The following VPS13D variants were observed in gnomAD, a reference collection of about 807,000 sequenced individuals.
VPS13D encodes vacuolar protein sorting 13 homolog D.
Under a neutral mutation model 461.9 loss-of-function variants are expected in VPS13D, and 187 were observed. That is an observed-to-expected ratio of 0.40 (90% CI 0.36 to 0.46). The LOEUF (loss-of-function observed/expected upper bound fraction) is 0.46. Ranked by LOEUF, VPS13D falls within the 20% of genes least tolerant of loss-of-function variation. The probability of loss-of-function intolerance (pLI) is 0.60; values close to 1 mark genes in which losing one functional copy is unlikely to be tolerated. For missense variants in VPS13D, 4,711 were observed against 5,364.9 expected, an observed-to-expected ratio of 0.88 and a Z score of 3.81; for synonymous variants, 1,951 against 1,986.3, an observed-to-expected ratio of 0.98 and a Z score of 0.47.
chr1:12,444,642 G>T (rs1645171135), intron 65 of VPS13D, among the ~76,000 whole-genome samples: 1 of 151,896 alleles, frequency 6.6e-6, no homozygotes. Context: ...TAATTCTGTC[G>T]ACTCTGCTGT....
intron 16 of VPS13D, among the ~76,000 whole-genome samples, chr1:12,270,262 G>A (rs1641398601): frequency 6.6e-6 from 1 of 151,956 alleles, no homozygotes; most frequent in African/African-American, 2.4e-5. Flanking sequence ...TTCAAGACCA[G>A]CCTAGCCAAC....
intron 57 of VPS13D, among the ~76,000 whole-genome samples, chr1:12,381,727 C>T (rs902305974): frequency 1.3e-5 from 2 of 152,156 alleles, no homozygotes; most frequent in Non-Finnish European, 2.9e-5. Context: ...TGTTTACTTC[C>T]AACTTCTGTA....
chr1:12,474,714 A>G lies in VPS13D; in HGVS notation c.12662+14318A>G, dbSNP rs141636137. On this transcript the variant is annotated intron_variant, in intron 67 of 69. Coordinates refer to ENST00000620676, the MANE Select transcript of VPS13D (RefSeq NM_015378.4). ...ATTATAAATGTTCCCTTTGTAATTC[A>G]TTTCAAACTTCATCCTCCCATTTGT... Among the ~76,000 whole-genome samples the G allele has an allele frequency of 1.9e-3, 291 of 152,290 alleles. 2 individuals carry two copies. The highest frequency in any genetic ancestry group is 5.4e-3 in the Admixed American group (83 of 15,306).
In VPS13D at chr1:12,473,952, G is replaced by A. The variant is rs919407050; in HGVS notation, c.12662+13556G>A. Among the ~76,000 whole-genome samples, 3 of 152,130 alleles carry A rather than the reference G, an allele frequency of 2.0e-5. No homozygotes were observed. The highest frequency in any genetic ancestry group is 2.9e-5 in the Non-Finnish European group (2 of 68,022). On this transcript the variant is annotated intron_variant, in intron 67 of 69. Coordinates refer to ENST00000620676, the MANE Select transcript of VPS13D (RefSeq NM_015378.4). This position sits in a 1 kb window ranked among gnomAD's most constrained non-coding sequence, Gnocchi z 4.2. ...ACTGGAAAAGGTGTGCAGAGGCCAC[G>A]AACTTGCTCTGAACCCACTTGTGAA...
At chr1:12,329,992 A>G (rs1643288872) in intron 37 of VPS13D, 74 bp downstream of exon 37, 4 of 1,273,638 alleles carry the variant, frequency 3.1e-6, no homozygotes, top group Non-Finnish European at 4.4e-6. Context: ...ATTGCTACGT[A>G]AATTTTACAT....
Position 12,386,258 on chromosome 1 carries a change from G to A in VPS13D, c.11558G>A (p.Ser3853Asn), listed in dbSNP as rs201853817. 1 of 1,613,850 alleles carries A rather than the reference G, an allele frequency of 6.2e-7. No individual in the cohort carries two copies. Among genetic ancestry groups the A allele is most frequent in the East Asian group, 2.2e-5 (1 of 44,862 alleles). The stretch of plus-strand genomic sequence containing the variant: ...GTCCCAGAAGAACTGGTCTTTGCAA[G>A]TCTTACAGGAATCAATGTGCACTAT... ...NKVPEELVFA[S>N]LTGINVHYTQ... The change falls in exon 60 of 70, where the codon AGT (serine) becomes AAT (asparagine). Residue 3853 changes from serine (S) to asparagine (N), a missense_variant. Physicochemically the swap from Ser to Asn is conservative, Grantham distance 46. Around this residue, in one of 3 missense-constraint regions of VPS13D, gnomAD observed 4,411 missense variants for 4,937.8 expected, o/e 0.89. Transcript: ENST00000620676.
At chr1:12,353,669 G>T (rs1569983886) in intron 46 of VPS13D, among the ~76,000 whole-genome samples, 1 of 152,132 alleles carries the variant, frequency 6.6e-6, no homozygotes. Flanking sequence ...CCTGAATGAT[G>T]GAGGAGAATA....
intron 67 of VPS13D, among the ~76,000 whole-genome samples, chr1:12,474,044 T>G (rs1439375703): frequency 6.6e-6 from 1 of 152,054 alleles, no homozygotes. Flanking sequence ...TCGAGCAGAG[T>G]TCAGCCAAAA....
chr1:12,461,839 A>ACGGCTT (rs1352658574), intron 67 of VPS13D, among the ~76,000 whole-genome samples: 2 of 152,216 alleles, frequency 1.3e-5, no homozygotes, highest in African/African-American at 2.4e-5. Context: ...CGAGAAAGAA[A>ACGGCTT]CGGCTTGAAT....
chr1:12,377,063 CTT>C (rs1257411547), intron 55 of VPS13D, among the ~76,000 whole-genome samples: 9 of 143,778 alleles, frequency 6.3e-5, no homozygotes, highest in Admixed American at 6.9e-5. Context: ...TTTTTTCTTT[CTT>C]TTTTTTTTTT....
rs374678409 is a variant in VPS13D at position 12,453,077 on chromosome 1, T to C, written c.12334-2921T>C. 2.6e-4 allele frequency among the ~76,000 whole-genome samples: 39 copies of C among 152,248 alleles called. 4 individuals carry two copies. Among genetic ancestry groups the C allele is most frequent in the Admixed American group, 2.0e-3 (30 of 15,290 alleles). ...GTCATCTCATCCCATCCTCCTTGGG[T>C]CAATACATTGTCTTTGTATAGAGAA... On this transcript the variant is annotated intron_variant, in intron 65 of 69. Transcript: ENST00000620676.
chr1:12,506,548 C>T (rs1161024225), intron 68 of VPS13D, among the ~76,000 whole-genome samples: 4 of 152,234 alleles, frequency 2.6e-5, no homozygotes, highest in Admixed American at 2.6e-4. Context: ...TCATGTTTCC[C>T]TCTCCTCTGC....
intron 63 of VPS13D, among the ~76,000 whole-genome samples, chr1:12,408,317 AAGAGAG>A (rs138830414): frequency 1.4e-5 from 2 of 146,288 alleles, no homozygotes; most frequent in Non-Finnish European, 3.0e-5. Context: ...ATTTATACCA[AAGAGAG>A]AGAGAGAGAG....
At chr1:12,379,833 A>T (rs1292354204) in intron 57 of VPS13D, among the ~76,000 whole-genome samples, 2 of 151,742 alleles carry the variant, frequency 1.3e-5, no homozygotes, top group African/African-American at 4.8e-5. Flanking sequence ...CAGTGGCACA[A>T]TCTCGGCTCA....
chr1:12,368,672 C>CA (rs1330877176), intron 53 of VPS13D, 81 bp downstream of exon 53: 1 of 1,439,908 alleles, frequency 6.9e-7, no homozygotes, highest in Non-Finnish European at 9.2e-7. Context: ...CACAATGGTA[C>CA]AATACATTTT....
At chr1:12,366,079 A>T (rs970016559) in intron 52 of VPS13D, among the ~76,000 whole-genome samples, 1 of 151,894 alleles carries the variant, frequency 6.6e-6, no homozygotes, top group Non-Finnish European at 1.5e-5. Context: ...AAAAAAAAAA[A>T]ATAGAAAAAA....
chr1:12,320,756 C>T (rs1643013783), intron 32 of VPS13D, among the ~76,000 whole-genome samples: 1 of 152,122 alleles, frequency 6.6e-6, no homozygotes, highest in African/African-American at 2.4e-5. Flanking sequence ...GCAGAAACCC[C>T]TGAAGGAAAA....
chr1:12,493,048 G>C (rs957200724), intron 67 of VPS13D, among the ~76,000 whole-genome samples: 27 of 150,948 alleles, frequency 1.8e-4, no homozygotes, highest in African/African-American at 6.6e-4. Context: ...AGACCAACTT[G>C]TGGTCCACGA....
At chr1:12,457,865 T>C (rs1342197073) in intron 66 of VPS13D, among the ~76,000 whole-genome samples, 1 of 152,240 alleles carries the variant, frequency 6.6e-6, no homozygotes, top group Non-Finnish European at 1.5e-5. Context: ...AAAAGTTGAC[T>C]GTTGGGCAAT....
Sources: gnomAD v4.1 joint callset for allele counts (sites outside exome capture counted in the v4.1 genomes callset) on GRCh38, gnomAD v4.1.1 for gene constraint, gnomAD v4.1.1 regional missense constraint, Gnocchi (gnomAD v3.1) non-coding constraint, MANE v1.5 for transcripts, NCBI Gene and HGNC (gene_info 2026-07-23, HGNC 2026-07-21) for gene names.